CNTN5: variants seen among roughly 807,000 people sequenced by gnomAD.
CNTN5 encodes contactin 5.
In CNTN5, 77 loss-of-function variants were observed where a neutral mutation model predicts 129.1. The ratio of observed to expected loss-of-function variants is 0.60; its 90% CI spans 0.50 to 0.72. CNTN5 has a LOEUF of 0.72. Ranked by LOEUF, CNTN5 falls within the 30% of genes least tolerant of loss-of-function variation. CNTN5 has a pLI of 0.00. For missense variants in CNTN5, 1,478 were observed against 1,328.8 expected, an observed-to-expected ratio of 1.11 and a Z score of -1.75; for synonymous variants, 509 against 465.6, an observed-to-expected ratio of 1.09 and a Z score of -1.20.
intron 1 of CNTN5, among the ~76,000 whole-genome samples, chr11:99,069,269 T>C (rs1334134535): frequency 6.6e-6 from 1 of 152,070 alleles, no homozygotes; most frequent in Non-Finnish European, 1.5e-5. Context: ...TGTAACTCTT[T>C]ATAGCTTAGA....
intron 13 of CNTN5, among the ~76,000 whole-genome samples, chr11:100,121,256 G>C (rs1946011973): frequency 6.6e-6 from 1 of 152,026 alleles, no homozygotes; most frequent in South Asian, 2.1e-4. Context: ...TGATGGACTT[G>C]AAGAACATAA....
At chr11:100,294,391 A>T (rs1280349130) in intron 18 of CNTN5, among the ~76,000 whole-genome samples, 1 of 151,732 alleles carries the variant, frequency 6.6e-6, no homozygotes, top group African/African-American at 2.4e-5. Context: ...AAGAGACATG[A>T]GTTTATATTT....
intron 15 of CNTN5, among the ~76,000 whole-genome samples, chr11:100,216,952 T>C (rs1949149455): frequency 6.6e-6 from 1 of 152,140 alleles, no homozygotes. Flanking sequence ...GCCCAAAGCT[T>C]TACTCCTGCC....
At chr11:99,114,209 G>A (rs1857930961) in intron 1 of CNTN5, among the ~76,000 whole-genome samples, 1 of 115,510 alleles carries the variant, frequency 8.7e-6, no homozygotes, top group Admixed American at 1.0e-4. Context: ...TAGCTCTGCA[G>A]TACTGATTTA....
Position 99,365,274 on chromosome 11 carries a change from A to T in CNTN5, c.-71+39790A>T, listed in dbSNP as rs1939373661. ...AGTGGCTATATGGATTTGTTGAAAA[A>T]GACATACGCATTTAGCATCATGCAT... On this transcript the variant is annotated intron_variant, in intron 2 of 24. Coordinates refer to ENST00000524871, the MANE Select transcript of CNTN5 (RefSeq NM_014361.4). Among the ~76,000 whole-genome samples, 4 of 152,202 alleles carry T rather than the reference A, an allele frequency of 2.6e-5. No individual in the cohort carries two copies. The South Asian group carries it at 8.3e-4, about 31-fold the overall frequency.
At chr11:99,650,375 C>T (rs599610) in intron 3 of CNTN5, among the ~76,000 whole-genome samples, 92,701 of 151,554 alleles carry the variant, frequency 0.61, 29,296 homozygotes, top group Admixed American at 0.7. Flanking sequence ...TTCACCTGAA[C>T]AGATGATTAT....
At chr11:99,060,879 A>G (rs1238409912) in intron 1 of CNTN5, among the ~76,000 whole-genome samples, 1 of 152,086 alleles carries the variant, frequency 6.6e-6, no homozygotes, top group African/African-American at 2.4e-5. Context: ...CAGCAAAAGA[A>G]GTATCCTATG....
chr11:100,048,590 A>C (rs1942806071), intron 9 of CNTN5, among the ~76,000 whole-genome samples: 1 of 152,072 alleles, frequency 6.6e-6, no homozygotes, highest in African/African-American at 2.4e-5. Flanking sequence ...ACTAGATTGG[A>C]TTTACAGTGG....
At chr11:99,322,227 C>T (rs1189292132) in intron 1 of CNTN5, among the ~76,000 whole-genome samples, 10 of 152,076 alleles carry the variant, frequency 6.6e-5, no homozygotes, top group African/African-American at 2.2e-4. Flanking sequence ...TTGCAGTCGG[C>T]GGCCTTACTC....
At chr11:99,176,235 G>A (rs545409312) in intron 1 of CNTN5, among the ~76,000 whole-genome samples, 3 of 150,400 alleles carry the variant, frequency 2.0e-5, no homozygotes, top group Non-Finnish European at 4.4e-5. Context: ...TCTTCCTTTA[G>A]ATGGCTCTGT....
intron 2 of CNTN5, among the ~76,000 whole-genome samples, chr11:99,547,266 A>C (rs1033424747): frequency 6.6e-6 from 1 of 152,098 alleles, no homozygotes; most frequent in East Asian, 1.9e-4. Context: ...CGGCCTCCCA[A>C]GTGCTGGGAT....
intron 2 of CNTN5, among the ~76,000 whole-genome samples, chr11:99,546,980 G>A (rs899970759): frequency 6.0e-5 from 9 of 150,970 alleles, no homozygotes; most frequent in Non-Finnish European, 1.3e-4. Context: ...ACACAAATTA[G>A]GTTTGTGAAT....
At chr11:100,161,872 CAAA>C (rs1555025978) in intron 13 of CNTN5, among the ~76,000 whole-genome samples, 101 of 127,644 alleles carry the variant, frequency 7.9e-4, no homozygotes, top group African/African-American at 2.7e-3. Context: ...CACACACACA[CAAA>C]ACAAAAAACA....
intron 6 of CNTN5, among the ~76,000 whole-genome samples, chr11:99,848,769 A>T (rs1947782302): frequency 6.6e-6 from 1 of 152,148 alleles, no homozygotes; most frequent in South Asian, 2.1e-4. Flanking sequence ...GATTATTTTT[A>T]TGCTGGGCTA....
intron 9 of CNTN5, among the ~76,000 whole-genome samples, chr11:100,038,120 C>T (rs1402577072): frequency 1.3e-5 from 2 of 151,928 alleles, no homozygotes; most frequent in Admixed American, 6.6e-5. Flanking sequence ...TATAAATTTC[C>T]CTCTACACAC....
chr11:99,972,809 G>C (rs1937663509), intron 8 of CNTN5, among the ~76,000 whole-genome samples: 1 of 152,094 alleles, frequency 6.6e-6, no homozygotes, highest in South Asian at 2.1e-4. Context: ...AACGAGACCA[G>C]TTATGATCTG....
chr11:100,043,890 GT>G (rs541832498), intron 9 of CNTN5, among the ~76,000 whole-genome samples: 62 of 152,122 alleles, frequency 4.1e-4, no homozygotes, highest in African/African-American at 1.4e-3. Flanking sequence ...CATTCACTTT[GT>G]TTTTTATTTT....
In CNTN5 at chr11:99,967,464, A is replaced by T. The variant is rs182745749; in HGVS notation, c.877+10455A>T. ...ATCCAATATGAGGTAGGATATTCCCATAAAAACTGACACAGATTCTGTCTG... is the reference window on the plus strand; with the variant it reads ...ATCCAATATGAGGTAGGATATTCCCTTAAAAACTGACACAGATTCTGTCTG... On this transcript the variant is annotated intron_variant, in intron 8 of 24. Coordinates refer to ENST00000524871, the MANE Select transcript of CNTN5 (RefSeq NM_014361.4). Among the ~76,000 whole-genome samples, 407 of 152,274 alleles carry T rather than the reference A, an allele frequency of 2.7e-3. 2 individuals are homozygous for T. The highest frequency in any genetic ancestry group is 4.9e-3 in the Non-Finnish European group (336 of 68,018).
chr11:99,224,846 C>T (rs1033053694), intron 1 of CNTN5, among the ~76,000 whole-genome samples: 2 of 151,776 alleles, frequency 1.3e-5, no homozygotes, highest in African/African-American at 4.8e-5. Flanking sequence ...AACAACCCAT[C>T]CCTTGGGTCT....
Sources: allele counts gnomAD v4.1 joint callset (sites outside exome capture counted in the v4.1 genomes callset), GRCh38; gene constraint gnomAD v4.1.1; transcripts MANE v1.5; gene names NCBI Gene and HGNC (gene_info 2026-07-23, HGNC 2026-07-21).